Variants in MEGF6 observed in about 807,000 individuals in gnomAD.
MEGF6 encodes multiple EGF like domains 6.
In MEGF6, 184 loss-of-function variants were observed where a neutral mutation model predicts 207.1. That is an observed-to-expected ratio of 0.89 (90% CI 0.79 to 1.00). The LOEUF is 1.00. Ranked by LOEUF, MEGF6 falls within the 50% of genes least tolerant of loss-of-function variation. MEGF6 has a pLI of 0.00. For synonymous variants in MEGF6, 1,038 were observed against 910.0 expected (o/e 1.14, Z -2.53); for missense variants, 2,282 against 2,202.9 (o/e 1.04, Z -0.72).
intron 4 of MEGF6, among the ~76,000 whole-genome samples, chr1:3,548,337 G>A (rs932366425): frequency 2.6e-5 from 4 of 152,232 alleles, no homozygotes; most frequent in African/African-American, 9.6e-5. Context: ...CCCGGGCGGG[G>A]CCAAAGGCCT....
chr1:3,515,279 C>A (rs961457854), intron 6 of MEGF6, 123 bp downstream of exon 6: 16 of 1,206,256 alleles, frequency 1.3e-5, no homozygotes, highest in Non-Finnish European at 1.8e-5. Flanking sequence ...ATGTGCCATC[C>A]CTACCAGGCC....
chr1:3,585,301 G>A (rs558744438), intron 3 of MEGF6, among the ~76,000 whole-genome samples: 16 of 147,212 alleles, frequency 1.1e-4, no homozygotes, highest in East Asian at 6.2e-4. Context: ...GTGGGTGTGC[G>A]GACGCATGTC....
intron 3 of MEGF6, among the ~76,000 whole-genome samples, chr1:3,580,952 TG>T (rs1158304709): frequency 6.6e-6 from 1 of 152,006 alleles, no homozygotes; most frequent in Non-Finnish European, 1.5e-5. Context: ...GCCCTGCCGG[TG>T]GCTGGGCTGG....
intron 3 of MEGF6, among the ~76,000 whole-genome samples, chr1:3,584,877 C>G (rs1193102236): frequency 6.6e-6 from 1 of 152,260 alleles, no homozygotes; most frequent in African/African-American, 2.4e-5. Flanking sequence ...GGCTCCCAGC[C>G]CGGAGGTGCC....
chr1:3,601,836 G>A (rs535026211), intron 2 of MEGF6, among the ~76,000 whole-genome samples: 2 of 152,382 alleles, frequency 1.3e-5, no homozygotes, highest in South Asian at 2.1e-4. Flanking sequence ...AGGGAGCAGC[G>A]CAGAGCAGGG....
At chr1:3,511,048 C>T in intron 9 of MEGF6, 146 bp from the exon 10 acceptor site, 2 of 1,173,176 alleles carry the variant, frequency 1.7e-6, no homozygotes, top group East Asian at 5.2e-5. Flanking sequence ...TGCACACCGA[C>T]ATTCATGGCA....
intron 4 of MEGF6, chr1:3,546,937 G>T (rs1470471140): frequency 5.7e-6 from 1 of 175,970 alleles, no homozygotes; most frequent in African/African-American, 2.5e-5. Context: ...GCCAGGCGGG[G>T]TGGCAGTGGG....
chr1:3,586,139 T>C (rs1181196673), intron 3 of MEGF6, among the ~76,000 whole-genome samples: 1 of 150,036 alleles, frequency 6.7e-6, no homozygotes, highest in Non-Finnish European at 1.5e-5. Flanking sequence ...GTGTGACACA[T>C]GTCCTGTGTG....
At chr1:3,587,756 C>T (rs1412571626) in intron 3 of MEGF6, among the ~76,000 whole-genome samples, 1 of 152,074 alleles carries the variant, frequency 6.6e-6, no homozygotes, top group African/African-American at 2.4e-5. Flanking sequence ...CAACACCTCC[C>T]TGCAGACTCA....
rs186003843 is a variant in MEGF6, at chr1:3,492,850, C to T, written c.4388-83G>A. 5.2e-5 allele frequency: 80 copies of T among 1,531,900 alleles called. No homozygotes were observed. The African/African-American group carries it at 9.9e-4, about 19-fold the overall frequency. The allele number at this position is 1,531,900 out of a possible 1,614,324, so 94.9% of individuals were successfully genotyped here. ...CAAGGAGCCTGGGCCTAGGGGCCCG[C>T]GGCAGAGCCCAGGTGGAGTGAAGCC... is the stretch of plus-strand genomic sequence containing the variant. On this transcript the variant is annotated intron_variant, in intron 34 of 36. Coordinates refer to ENST00000356575, the MANE Select transcript of MEGF6 (RefSeq NM_001409.4).
At chr1:3,620,785 G>A in the MEGF6 span, among the ~76,000 whole-genome samples, 2 of 152,222 alleles carry the variant, frequency 1.3e-5, no homozygotes, top group African/African-American at 4.8e-5. Flanking sequence ...ACCAAGGCGC[G>A]GAGACCGGTA....
intron 4 of MEGF6, among the ~76,000 whole-genome samples, chr1:3,567,096 AG>A (rs1464013238): frequency 6.6e-6 from 1 of 152,220 alleles, no homozygotes; most frequent in Non-Finnish European, 1.5e-5. Flanking sequence ...GGTGGCCAGA[AG>A]GGCCCCAGCC....
At chr1:3,505,146 C>CCAGG in intron 17 of MEGF6, 62 bp downstream of exon 17, 2 of 1,579,748 alleles carry the variant, frequency 1.3e-6, no homozygotes, top group African/African-American at 1.3e-5. Context: ...TACCCTCCAG[C>CCAGG]CAGGCAGGCA....
intron 1 of MEGF6, among the ~76,000 whole-genome samples, chr1:3,607,327 C>T (rs1644264119): frequency 6.6e-6 from 1 of 152,136 alleles, no homozygotes; most frequent in African/African-American, 2.4e-5. Flanking sequence ...CCAATAACTC[C>T]TCCCCTTCAC....
At chr1:3,568,097 A>G in intron 4 of MEGF6, among the ~76,000 whole-genome samples, 1 of 152,240 alleles carries the variant, frequency 6.6e-6, no homozygotes, top group African/African-American at 2.4e-5. Context: ...TTCCCCAGGA[A>G]TTTGCACCCG....
chr1:3,567,724 G>C (rs1643387201), intron 4 of MEGF6, among the ~76,000 whole-genome samples: 1 of 152,242 alleles, frequency 6.6e-6, no homozygotes, highest in Non-Finnish European at 1.5e-5. Context: ...TGTCCAGCCA[G>C]GGGCAGGGGG....
chr1:3,501,123 G>A (rs1640843609), intron 19 of MEGF6, 29 bp from the exon 20 acceptor site: 2 of 1,612,654 alleles, frequency 1.2e-6, no homozygotes, highest in East Asian at 2.2e-5. Flanking sequence ...GGGTGAGTGG[G>A]GCCTGGCCAC....
intron 30 of MEGF6, among the ~76,000 whole-genome samples, chr1:3,495,579 C>T (rs919408929): frequency 6.6e-5 from 10 of 152,292 alleles, no homozygotes; most frequent in South Asian, 2.1e-4. Context: ...GCCAGGCAGG[C>T]GCTGGGTAGG....
intron 4 of MEGF6, among the ~76,000 whole-genome samples, chr1:3,544,419 T>C (rs1440758540): frequency 6.9e-6 from 1 of 143,904 alleles, no homozygotes; most frequent in Non-Finnish European, 1.5e-5. Context: ...AGCACAGCCT[T>C]TGTGCAGGGG....
Sources: gnomAD v4.1 joint callset for allele counts (sites outside exome capture counted in the v4.1 genomes callset) on GRCh38, gnomAD v4.1.1 for gene constraint, MANE v1.5 for transcripts, NCBI Gene and HGNC (gene_info 2026-07-23, HGNC 2026-07-21) for gene names.